ANKRD30B: variants seen among roughly 807,000 people sequenced by gnomAD.
ANKRD30B encodes ankyrin repeat domain 30B.
Under a neutral mutation model 202.2 loss-of-function variants are expected in ANKRD30B, and 144 were observed. That is an observed-to-expected ratio of 0.71 (90% confidence interval 0.62 to 0.82). ANKRD30B has a LOEUF of 0.82. Among genes scored for constraint, ANKRD30B ranks in the 40% least tolerant of loss-of-function variants. The pLI is 0.00. For missense variants in ANKRD30B, 1,487 were observed against 1,669.1 expected (o/e 0.89, Z 1.90); for synonymous variants, 508 against 561.3 (o/e 0.91, Z 1.34).
chr18:14,791,205 G>A (rs188146826), intron 15 of ANKRD30B, among the ~76,000 whole-genome samples, 196 bp from the exon 16 acceptor site: 4 of 152,164 alleles, frequency 2.6e-5, no homozygotes, highest in African/African-American at 9.6e-5. Flanking sequence ...TTCTCTGATG[G>A]CAGTTTGTAT....
intron 21 of ANKRD30B, 41 bp downstream of exon 21, chr18:14,799,170 A>G: frequency 6.3e-7 from 1 of 1,592,092 alleles, no homozygotes; most frequent in Non-Finnish European, 8.6e-7. Context: ...TTACCTACAT[A>G]TTTTATGAAG....
At chr18:14,897,146 G>A in the ANKRD30B span, among the ~76,000 whole-genome samples, 2 of 152,124 alleles carry the variant, frequency 1.3e-5, no homozygotes, top group Non-Finnish European at 2.9e-5. Flanking sequence ...GGCCATGGAA[G>A]CAAAGATTCA....
intron 9 of ANKRD30B, among the ~76,000 whole-genome samples, chr18:14,775,113 C>T (rs562627617): frequency 1.3e-5 from 2 of 152,186 alleles, no homozygotes; most frequent in South Asian, 2.1e-4. Context: ...GGTGACAGAG[C>T]GAGACTCCAT....
chr18:14,907,697 AGAG>A, the ANKRD30B span, among the ~76,000 whole-genome samples: 6 of 152,168 alleles, frequency 3.9e-5, no homozygotes, highest in African/African-American at 1.4e-4. Context: ...CTGTTTGGAC[AGAG>A]AAGACACTGC....
the ANKRD30B span, among the ~76,000 whole-genome samples, chr18:14,898,989 T>A: frequency 6.6e-6 from 1 of 152,320 alleles, no homozygotes; most frequent in East Asian, 1.9e-4. Flanking sequence ...ATAGATAGCC[T>A]AAGACAGAAT....
chr18:14,889,788 C>G, the ANKRD30B span, among the ~76,000 whole-genome samples: 1 of 150,762 alleles, frequency 6.6e-6, no homozygotes, highest in Non-Finnish European at 1.5e-5. Flanking sequence ...ATGAAGAAAC[C>G]AAAATCCAAA....
chr18:14,756,243 A>G (rs1914339400), intron 4 of ANKRD30B, among the ~76,000 whole-genome samples: 1 of 151,892 alleles, frequency 6.6e-6, no homozygotes. Context: ...CCACTTTTTG[A>G]TGGGGTTGTT....
chr18:14,938,092 A>C, the ANKRD30B span, among the ~76,000 whole-genome samples: 1 of 151,634 alleles, frequency 6.6e-6, no homozygotes, highest in African/African-American at 2.4e-5. Flanking sequence ...TTCTGCCTTC[A>C]CTCCTCTCCC....
rs1568032165 is a variant in ANKRD30B, at chr18:14,806,899, G to A, written c.2285-1652G>A. Among the ~76,000 whole-genome samples the A allele has an allele frequency of 2.7e-5, 4 of 150,888 alleles. 1 individual carries two copies. The South Asian group carries it at 8.4e-4, about 32-fold the overall frequency. On this transcript the variant is annotated intron_variant, in intron 24 of 43. Transcript: ENST00000690538. ...TATCATTTCCTATATACGAATTTCT[G>A]AGGTTTCTTCAGTGCTTCAGAAGTA...
In ANKRD30B at chr18:14,762,349, C is replaced by T. The variant is rs547330736; in HGVS notation, c.821-1337C>T. Among the ~76,000 whole-genome samples, 43 of 152,246 alleles carry T rather than the reference C, an allele frequency of 2.8e-4. No individual in the cohort carries two copies. In the South Asian group the frequency reaches 6.2e-3, roughly 22 times the overall value. On this transcript the variant is annotated intron_variant, in intron 6 of 43. Coordinates refer to ENST00000690538, the MANE Select transcript of ANKRD30B (RefSeq NM_001367607.2). ...GGAATTTAATAATACTTTTCTGGCACCATAAACAAATGTCAGCAAGAATTA... is the reference window on the plus strand; with the variant it reads ...GGAATTTAATAATACTTTTCTGGCATCATAAACAAATGTCAGCAAGAATTA...
rs56871571 is a variant in ANKRD30B at position 14,847,050 on chromosome 18, T to TTATATATA, written c.3182-1630_3182-1623dup. Among the ~76,000 whole-genome samples the TTATATATA allele has an allele frequency of 4.2e-3, 465 of 110,794 alleles. 1 individual carries two copies. The highest frequency in any genetic ancestry group is 5.8e-3 in the Middle Eastern group (1 of 172). 72.7% of individuals were successfully genotyped at this position (110,794 alleles called of 152,430 possible). ...GTTTAGTAATTTTTATGATTTAGTT[T>TTATATATA]TATATATATATATATATATATATAT... On this transcript the variant is annotated intron_variant, in intron 39 of 43. Coordinates refer to ENST00000690538, the MANE Select transcript of ANKRD30B (RefSeq NM_001367607.2).
intron 14 of ANKRD30B, among the ~76,000 whole-genome samples, chr18:14,785,636 C>G (rs940063321): frequency 6.6e-6 from 1 of 152,212 alleles, no homozygotes. Flanking sequence ...TGTGGCAACA[C>G]GTAAGATCTC....
chr18:14,866,062 A>T, the ANKRD30B span, among the ~76,000 whole-genome samples: 2 of 152,204 alleles, frequency 1.3e-5, no homozygotes, highest in African/African-American at 4.8e-5. Flanking sequence ...CAATCAGAGT[A>T]TGAAAATAAA....
At position 14,853,914 on chromosome 18, in the gene ANKRD30B, C is replaced by G. The variant is rs1433836443; in HGVS notation, c.*4C>G. Among the ~76,000 whole-genome samples the G allele has an allele frequency of 3.3e-5, 5 of 152,132 alleles. No homozygotes were observed. Among genetic ancestry groups the G allele is most frequent in the Admixed American group, 6.6e-5 (1 of 15,258 alleles). ...TCACTCTCTGAGGCATCAATAGAGGCTACATCACATTATCACATTAATCTC... is the reference window on the plus strand; with the variant it reads ...TCACTCTCTGAGGCATCAATAGAGGGTACATCACATTATCACATTAATCTC... On this transcript the variant is annotated 3_prime_UTR_variant, in exon 43 of 44. Transcript: ENST00000690538.
intron 1 of ANKRD30B, among the ~76,000 whole-genome samples, chr18:14,751,467 C>T (rs1598555979): frequency 6.6e-6 from 1 of 152,044 alleles, no homozygotes; most frequent in East Asian, 1.9e-4. Context: ...AGGACTGAAT[C>T]TCAATTAAGC....
intron 30 of ANKRD30B, among the ~76,000 whole-genome samples, chr18:14,819,182 G>A (rs1970279388): frequency 6.8e-6 from 1 of 147,410 alleles, no homozygotes; most frequent in Admixed American, 6.8e-5. Flanking sequence ...GTCTGTTCAT[G>A]TCCTTCGCCC....
At chr18:14,777,181 A>G (rs1051579765) in intron 9 of ANKRD30B, among the ~76,000 whole-genome samples, 1 of 152,236 alleles carries the variant, frequency 6.6e-6, no homozygotes, top group African/African-American at 2.4e-5. Flanking sequence ...CCACATGAAG[A>G]TAAAAGGTAA....
At chr18:14,917,231 T>C in the ANKRD30B span, among the ~76,000 whole-genome samples, 2 of 152,232 alleles carry the variant, frequency 1.3e-5, no homozygotes, top group African/African-American at 4.8e-5. Context: ...TTTCTCTAAC[T>C]GAAATACTTG....
chr18:14,877,896 G>A, the ANKRD30B span: 28 of 152,218 alleles, frequency 1.8e-4, no homozygotes, highest in African/African-American at 5.8e-4. Context: ...TGATCTGTTC[G>A]TGACCCTGTT....
Sources: allele counts gnomAD v4.1 joint callset (sites outside exome capture counted in the v4.1 genomes callset), GRCh38; gene constraint gnomAD v4.1.1; transcripts MANE v1.5; gene names NCBI Gene and HGNC (gene_info 2026-07-23, HGNC 2026-07-21).